Variants in NFATC2 observed in about 807,000 individuals in gnomAD.
NFATC2 encodes nuclear factor of activated T cells 2, also known as nuclear factor of activated T-cells, cytoplasmic 2.
Under a neutral mutation model 87.3 loss-of-function variants are expected in NFATC2, and 22 were observed. That is an observed-to-expected ratio of 0.25 (90% CI 0.18 to 0.36). The LOEUF (loss-of-function observed/expected upper bound fraction) is 0.36, where lower values mean the gene tolerates loss of function less well. Among genes scored for constraint, NFATC2 ranks in the 10% least tolerant of loss-of-function variants. The probability of loss-of-function intolerance (pLI) is 1.00; values close to 1 mark genes in which losing one functional copy is unlikely to be tolerated. For missense variants in NFATC2, 1,149 were observed against 1,259.1 expected (o/e 0.91, Z 1.32); for synonymous variants, 565 against 542.2 (o/e 1.04, Z -0.58).
intron 1 of NFATC2, among the ~76,000 whole-genome samples, chr20:51,538,255 G>A (rs1600986899): frequency 6.6e-6 from 1 of 152,302 alleles, no homozygotes; most frequent in East Asian, 1.9e-4. Flanking sequence ...TACCAAGGAT[G>A]TCTTCATATA....
intron 3 of NFATC2, among the ~76,000 whole-genome samples, chr20:51,504,788 T>C (rs962173866): frequency 1.6e-4 from 24 of 152,168 alleles, no homozygotes; most frequent in Non-Finnish European, 3.1e-4. Context: ...CATCCATTTA[T>C]GCATGGAATG....
rs775458849 is a variant in NFATC2 at position 51,391,295 on chromosome 20, C to A, written c.*201G>T. On this transcript the variant is annotated 3_prime_UTR_variant, in exon 11 of 11. Coordinates refer to ENST00000371564, the MANE Select transcript of NFATC2 (RefSeq NM_012340.5). Reference sequence around the variant, plus strand: ...GCCCATACATTGATCCGCGTGTGGACTCCGGGCTGGGAGATGAACATGAAA... The same window carrying A: ...GCCCATACATTGATCCGCGTGTGGAATCCGGGCTGGGAGATGAACATGAAA... 5.4e-6 allele frequency: 7 copies of A among 1,297,242 alleles called. No homozygotes were observed. The South Asian group carries it at 8.3e-5, about 15-fold the overall frequency. The allele number at this position is 1,297,242 out of a possible 1,614,324, so 80.4% of individuals were successfully genotyped here.
At chr20:51,468,664 G>T (rs943608006) in intron 5 of NFATC2, among the ~76,000 whole-genome samples, 1 of 152,194 alleles carries the variant, frequency 6.6e-6, no homozygotes, top group Non-Finnish European at 1.5e-5. Context: ...TCCCCACTGG[G>T]CAGTGTGGAA....
In NFATC2 at chr20:51,475,829, G is replaced by A. The variant is rs74644406; in HGVS notation, c.1333-169C>T. Among the ~76,000 whole-genome samples the A allele has an allele frequency of 0.012, 1,767 of 152,242 alleles. 55 individuals carry two copies. In the East Asian group the frequency reaches 0.13, roughly 11 times the overall value. ...CCTTGATGTCCAGCCAGAGGGTAACGCTTGGATAAATTACAGGGATCCCCT... is the reference window on the plus strand; with the variant it reads ...CCTTGATGTCCAGCCAGAGGGTAACACTTGGATAAATTACAGGGATCCCCT... On this transcript the variant is annotated intron_variant, in intron 3 of 10. Coordinates refer to ENST00000371564, the MANE Select transcript of NFATC2 (RefSeq NM_012340.5).
chr20:51,548,576 A>G (rs1409588575), intron 1 of NFATC2, among the ~76,000 whole-genome samples: 1 of 152,222 alleles, frequency 6.6e-6, no homozygotes, highest in Non-Finnish European at 1.5e-5. Flanking sequence ...AGTATGTCCA[A>G]AATAGTATGT....
At chr20:51,477,571 ATAT>A (rs1988857201) in intron 3 of NFATC2, among the ~76,000 whole-genome samples, 7 of 89,460 alleles carry the variant, frequency 7.8e-5, no homozygotes, top group African/African-American at 2.7e-4. Context: ...ATATATATAT[ATAT>A]ATATATAAAA....
intron 1 of NFATC2, among the ~76,000 whole-genome samples, chr20:51,526,115 C>T (rs574670000): frequency 1.3e-5 from 2 of 152,182 alleles, no homozygotes; most frequent in East Asian, 3.9e-4. Context: ...ATCGACCCAT[C>T]AAAAAGATCC....
chr20:51,486,956 G>A (rs1989760327), intron 3 of NFATC2, among the ~76,000 whole-genome samples: 1 of 152,176 alleles, frequency 6.6e-6, no homozygotes, highest in South Asian at 2.1e-4. Context: ...TTACAATCTT[G>A]AGATTGAATT....
intron 3 of NFATC2, among the ~76,000 whole-genome samples, chr20:51,496,464 G>A (rs1382873703): frequency 6.6e-6 from 1 of 151,422 alleles, no homozygotes; most frequent in African/African-American, 2.4e-5. Context: ...ACCTCCTCAG[G>A]AAGCTGCCCC....
At chr20:51,525,732 CCGTCCTCTCCCATGG>C (rs1165906079) in intron 1 of NFATC2, among the ~76,000 whole-genome samples, 1 of 152,102 alleles carries the variant, frequency 6.6e-6, no homozygotes, top group Non-Finnish European at 1.5e-5. Flanking sequence ...GTCCAAGCCG[CCGTCCTCTCCCATGG>C]GGACTACTGC....
At chr20:51,459,735 C>T (rs1000440035) in intron 5 of NFATC2, among the ~76,000 whole-genome samples, 1 of 151,950 alleles carries the variant, frequency 6.6e-6, no homozygotes, top group Non-Finnish European at 1.5e-5. Context: ...AAAAATTGGC[C>T]GGGCCTGGTA....
upstream of NFATC2, among the ~76,000 whole-genome samples, chr20:51,545,496 G>A (rs1017013874): frequency 2.0e-5 from 3 of 152,230 alleles, no homozygotes; most frequent in African/African-American, 7.2e-5. Flanking sequence ...CACCTCATTC[G>A]CAGCTTTATG....
chr20:51,493,955 G>A (rs765236973), intron 3 of NFATC2, among the ~76,000 whole-genome samples: 14 of 152,112 alleles, frequency 9.2e-5, no homozygotes, highest in Non-Finnish European at 1.5e-4. Flanking sequence ...CTCTGCAAAG[G>A]GGAAAATAAC....
chr20:51,475,308 A>C (rs1988613635), intron 4 of NFATC2, 150 bp downstream of exon 4: 1 of 774,446 alleles, frequency 1.3e-6, no homozygotes. Flanking sequence ...TTAAAACAGA[A>C]ATCACAACGG....
chr20:51,442,342 G>A (rs1212014563), intron 6 of NFATC2, among the ~76,000 whole-genome samples: 2 of 152,210 alleles, frequency 1.3e-5, no homozygotes, highest in South Asian at 2.1e-4. Context: ...TGAGGCATGA[G>A]AATCACTTGA....
chr20:51,447,502 C>A (rs557333060), intron 6 of NFATC2, among the ~76,000 whole-genome samples: 211 of 152,368 alleles, frequency 1.4e-3, no homozygotes, highest in Non-Finnish European at 2.1e-3. Context: ...TGTGAAGGAA[C>A]CTTCCAAAAC....
intron 5 of NFATC2, among the ~76,000 whole-genome samples, chr20:51,461,020 C>T (rs934479543): frequency 4.2e-4 from 64 of 152,346 alleles, no homozygotes; most frequent in African/African-American, 1.5e-3. Context: ...TAAGAGGCCA[C>T]CTGAGGACGG....
At chr20:51,447,373 A>C (rs912865169) in intron 6 of NFATC2, among the ~76,000 whole-genome samples, 2 of 152,246 alleles carry the variant, frequency 1.3e-5, no homozygotes, top group African/African-American at 4.8e-5. Flanking sequence ...AATCTGATGC[A>C]GGCCAGTTTC....
At chr20:51,542,122 G>A (rs1487664911) in intron 1 of NFATC2, among the ~76,000 whole-genome samples, 1 of 152,146 alleles carries the variant, frequency 6.6e-6, no homozygotes, top group Admixed American at 6.5e-5. Context: ...TTTGCTGAGA[G>A]TGACCCTCAG....
Sources: allele counts gnomAD v4.1 joint callset (sites outside exome capture counted in the v4.1 genomes callset), GRCh38; gene constraint gnomAD v4.1.1; transcripts MANE v1.5; gene names NCBI Gene and HGNC (gene_info 2026-07-23, HGNC 2026-07-21).